Variants in PARVB observed in about 807,000 individuals in gnomAD.
PARVB encodes parvin beta, also known as beta-parvin.
PARVB carries 46 observed loss-of-function variants against 47.0 expected under a neutral mutation model. The observed-to-expected ratio is 0.98, with a 90% CI of 0.77 to 1.25. The LOEUF is 1.25. Among genes scored for constraint, PARVB ranks in the 50% most tolerant of loss-of-function variants. The pLI is 0.00. For missense variants in PARVB, 473 were observed against 471.6 expected, an observed-to-expected ratio of 1.00 and a Z score of -0.03; for synonymous variants, 196 against 196.3, an observed-to-expected ratio of 1.00 and a Z score of 0.01.
chr22:44,154,206 T>A (rs866103912), intron 10 of PARVB, among the ~76,000 whole-genome samples: 1 of 127,680 alleles, frequency 7.8e-6, no homozygotes, highest in African/African-American at 2.8e-5. Context: ...ATATCTTCAT[T>A]TTTTTCCCCC....
chr22:44,003,743 C>T lies in PARVB; in HGVS notation c.211+4070C>T, dbSNP rs117827431. On this transcript the variant is annotated intron_variant, in intron 2 of 13. Coordinates refer to the PARVB transcript ENST00000406477. The stretch of plus-strand genomic sequence containing the variant: ...GCTTTGGATTCTCACTTCCTTTGTT[C>T]GCTTATTCGTTCCTCCAACATGGAC... Among the ~76,000 whole-genome samples the T allele has an allele frequency of 9.1e-3, 1,380 of 152,256 alleles. 12 individuals carry two copies. The highest frequency in any genetic ancestry group is 0.014 in the Non-Finnish European group (931 of 68,024).
chr22:44,066,780 T>TCTTCTCCTCCTCCTCCTTCTCCTC (rs752513022), intron 1 of PARVB, among the ~76,000 whole-genome samples: 107 of 48,090 alleles, frequency 2.2e-3, no homozygotes, highest in East Asian at 0.017. Flanking sequence ...CTTAATTATT[T>TCTTCTCCTCCTCCTCCTTCTCCTC]CTCCTCCTCC....
chr22:44,077,562 C>G (rs2051805117), intron 1 of PARVB, among the ~76,000 whole-genome samples: 1 of 152,188 alleles, frequency 6.6e-6, no homozygotes, highest in Non-Finnish European at 1.5e-5. Context: ...TTCCAGACCG[C>G]CAGACAACAC....
chr22:44,136,318 A>C (rs1383686016), intron 6 of PARVB, 142 bp from the exon 7 acceptor site: 4 of 744,046 alleles, frequency 5.4e-6, no homozygotes, highest in East Asian at 2.7e-5. Flanking sequence ...CAGGCCTGGC[A>C]TGCGTGTTCA....
At chr22:44,132,820 T>C (rs1383737520) in intron 5 of PARVB, 74 bp from the exon 6 acceptor site, 4 of 917,538 alleles carry the variant, frequency 4.4e-6, no homozygotes, top group Non-Finnish European at 5.4e-6. Context: ...TGTGTCTCTG[T>C]TGCCTTCTGC....
At chr22:44,073,272 C>T (rs968483357) in intron 1 of PARVB, among the ~76,000 whole-genome samples, 5 of 152,120 alleles carry the variant, frequency 3.3e-5, no homozygotes, top group African/African-American at 4.8e-5. Context: ...GGCGGATCAC[C>T]GGAGGTCAGG....
chr22:44,100,065 A>G lies in PARVB; in HGVS notation c.215A>G (p.Glu72Gly). The G allele has an allele frequency of 6.2e-7, 1 of 1,613,958 alleles. No individual in the cohort carries two copies. The highest frequency in any genetic ancestry group is 1.7e-5 in the Admixed American group (1 of 60,014). Residue 72 changes from glutamate (E) to glycine (G), a missense_variant, in exon 3 of 13, where the codon GAG becomes GGG. Coordinates refer to ENST00000338758, the MANE Select transcript of PARVB (RefSeq NM_013327.5). ...TTGTCCCTGGCAGAGGAGAACGAGG[A>G]GCGCACGATGATTGACCCCACTTCC... ...PEDTQLEENE[E>G]RTMIDPTSKE...
intron 3 of PARVB, among the ~76,000 whole-genome samples, chr22:44,117,343 G>C (rs1440823560): frequency 6.6e-6 from 1 of 151,894 alleles, no homozygotes; most frequent in Non-Finnish European, 1.5e-5. Flanking sequence ...GAGGGTGAAG[G>C]AGGAGGGCAG....
At chr22:44,022,415 C>T (rs949640617), upstream of PARVB, among the ~76,000 whole-genome samples, 13 of 152,124 alleles carry the variant, frequency 8.5e-5, no homozygotes, top group Non-Finnish European at 1.5e-4. Context: ...TGGTCCCTGT[C>T]CCTCCTCCAT....
At chr22:44,071,339 A>C (rs1186849427) in intron 1 of PARVB, among the ~76,000 whole-genome samples, 14 of 152,190 alleles carry the variant, frequency 9.2e-5, no homozygotes. Context: ...TGTCCTGCTC[A>C]TATATCCTCC....
At chr22:44,035,440 G>C (rs541666381) in intron 1 of PARVB, among the ~76,000 whole-genome samples, 2 of 145,732 alleles carry the variant, frequency 1.4e-5, no homozygotes, top group African/African-American at 5.1e-5. Flanking sequence ...GTGCGATCTC[G>C]GCTCACTGCA....
chr22:44,023,764 G>A (rs2050683858), upstream of PARVB, among the ~76,000 whole-genome samples: 1 of 151,912 alleles, frequency 6.6e-6, no homozygotes, highest in African/African-American at 2.4e-5. Context: ...GCCATTTCCT[G>A]GGGCCTCCCC....
At chr22:44,011,166 C>G (rs1027751970) in intron 2 of PARVB, among the ~76,000 whole-genome samples, 2 of 152,006 alleles carry the variant, frequency 1.3e-5, no homozygotes, top group African/African-American at 4.8e-5. Context: ...TAGAGATGGA[C>G]TCTTGCTGTG....
chr22:44,167,461 T>A (rs551741133), intron 12 of PARVB, among the ~76,000 whole-genome samples: 8 of 152,188 alleles, frequency 5.3e-5, no homozygotes, highest in African/African-American at 1.9e-4. Context: ...GGGGCATCGG[T>A]GTCAGGCTGC....
intron 8 of PARVB, chr22:44,143,921 C>T (rs2053610091): frequency 6.6e-6 from 1 of 152,440 alleles, no homozygotes; most frequent in Non-Finnish European, 1.5e-5. Flanking sequence ...CTAGTAATTC[C>T]CCTTCACGTC....
At chr22:44,052,023 C>T (rs2051218830) in intron 1 of PARVB, among the ~76,000 whole-genome samples, 1 of 152,212 alleles carries the variant, frequency 6.6e-6, no homozygotes, top group Admixed American at 6.5e-5. Context: ...GAGAGCACGG[C>T]TCTGCCGACA....
intron 12 of PARVB, among the ~76,000 whole-genome samples, 186 bp downstream of exon 12, chr22:44,164,116 C>G (rs1450269849): frequency 1.3e-5 from 2 of 152,230 alleles, no homozygotes; most frequent in Non-Finnish European, 2.9e-5. Flanking sequence ...GAGGACTTCG[C>G]TGGTGGAGCT....
upstream of PARVB, among the ~76,000 whole-genome samples, chr22:44,022,345 A>G (rs1387224990): frequency 6.6e-6 from 1 of 152,068 alleles, no homozygotes; most frequent in East Asian, 1.9e-4. Context: ...GTTCCAGGTC[A>G]AATGTCCCTT....
chr22:44,027,914 C>CATATATAT (rs3083338), intron 1 of PARVB, among the ~76,000 whole-genome samples: 2,821 of 133,096 alleles, frequency 0.021, 40 homozygotes, highest in East Asian at 0.037. Flanking sequence ...AAAAAAAAAC[C>CATATATAT]ATATATATAT....
Sources: gnomAD v4.1 joint callset for allele counts (sites outside exome capture counted in the v4.1 genomes callset) on GRCh38, gnomAD v4.1.1 for gene constraint, MANE v1.5 for transcripts, NCBI Gene and HGNC (gene_info 2026-07-23, HGNC 2026-07-21) for gene names.